PCDH9: variants seen among roughly 807,000 people sequenced by gnomAD.
The protein encoded by PCDH9 is protocadherin-9.
PCDH9 carries 24 observed loss-of-function variants against 70.6 expected under a neutral mutation model. That is an observed-to-expected ratio of 0.34 (90% CI 0.25 to 0.48). PCDH9 has a LOEUF of 0.48. PCDH9 is among the 20% of genes least tolerant of loss of function. PCDH9 has a pLI of 0.99. For synonymous variants in PCDH9, 562 were observed against 558.5 expected (o/e 1.01, Z -0.09); for missense variants, 1,281 against 1,503.6 (o/e 0.85, Z 2.45).
chr13:66,849,517 T>TATATATATATATATATATATAG (rs1272589939), intron 3 of PCDH9, among the ~76,000 whole-genome samples: 1 of 63,580 alleles, frequency 1.6e-5, no homozygotes, highest in Non-Finnish European at 2.6e-5. Context: ...TATATATATA[T>TATATATATATATATATATATAG]AGAGAGAGAG....
chr13:66,888,314 G>A (rs2082041609), intron 3 of PCDH9, among the ~76,000 whole-genome samples: 1 of 151,918 alleles, frequency 6.6e-6, no homozygotes, highest in Non-Finnish European at 1.5e-5. Context: ...GGGAAACATA[G>A]TGAGGCTTCA....
chr13:67,152,963 G>A (rs936988149), intron 2 of PCDH9, among the ~76,000 whole-genome samples: 9 of 151,704 alleles, frequency 5.9e-5, no homozygotes, highest in Non-Finnish European at 1.3e-4. Context: ...TGTATCCCCC[G>A]CCCCAGTGAA....
intron 3 of PCDH9, among the ~76,000 whole-genome samples, chr13:66,893,070 T>C (rs1210565777): frequency 1.3e-5 from 2 of 152,134 alleles, no homozygotes; most frequent in Non-Finnish European, 2.9e-5. Flanking sequence ...TGAGTATCAT[T>C]TATAATCAAA....
At chr13:66,623,864 G>A (rs1457360135) in intron 4 of PCDH9, among the ~76,000 whole-genome samples, 2 of 152,094 alleles carry the variant, frequency 1.3e-5, no homozygotes, top group African/African-American at 2.4e-5. Flanking sequence ...GAATTCCTGG[G>A]TCATAAACAG....
intron 4 of PCDH9, among the ~76,000 whole-genome samples, chr13:66,603,654 T>C (rs1362545577): frequency 6.6e-6 from 1 of 152,014 alleles, no homozygotes; most frequent in East Asian, 1.9e-4. Flanking sequence ...TTGGATGTCA[T>C]GTGGAGATAT....
intron 3 of PCDH9, among the ~76,000 whole-genome samples, chr13:66,876,206 C>T (rs1001346322): frequency 1.3e-5 from 2 of 151,930 alleles, no homozygotes; most frequent in African/African-American, 4.8e-5. Context: ...AGACTTAGTA[C>T]TATAAATTAC....
intron 4 of PCDH9, among the ~76,000 whole-genome samples, chr13:66,401,553 T>C (rs1024512182): frequency 1.3e-5 from 2 of 152,100 alleles, no homozygotes; most frequent in African/African-American, 4.8e-5. Context: ...AATGGACTCA[T>C]ATGGTGGGGG....
intron 4 of PCDH9, among the ~76,000 whole-genome samples, chr13:66,566,815 C>CAAA (rs2076659240): frequency 6.6e-6 from 1 of 151,920 alleles, no homozygotes; most frequent in South Asian, 2.1e-4. Context: ...ATAAAAAAAT[C>CAAA]ATGCTTAAAT....
At position 66,944,765 on chromosome 13, in the gene PCDH9, T is replaced by G. The variant is rs1051432238; in HGVS notation, c.3037-41160A>C. Among the ~76,000 whole-genome samples, 7 of 151,936 alleles carry G rather than the reference T, an allele frequency of 4.6e-5. No individual in the cohort carries two copies. The East Asian group carries it at 1.4e-3, about 29-fold the overall frequency. On this transcript the variant is annotated intron_variant, in intron 2 of 4. Coordinates refer to ENST00000377865, the MANE Select transcript of PCDH9 (RefSeq NM_203487.3). ...GGGCAAATGTAATTTTATCATTCAT[T>G]GTTGGGATACCTATTTCTGGTGCAC...
At chr13:66,398,029 G>T (rs1263766515) in intron 4 of PCDH9, among the ~76,000 whole-genome samples, 3 of 151,736 alleles carry the variant, frequency 2.0e-5, no homozygotes, top group Non-Finnish European at 2.9e-5. Flanking sequence ...AAATGTTCTG[G>T]CTTATACCAT....
chr13:66,642,447 A>C (rs2077721061), intron 3 of PCDH9, among the ~76,000 whole-genome samples: 1 of 152,054 alleles, frequency 6.6e-6, no homozygotes, highest in Non-Finnish European at 1.5e-5. Flanking sequence ...TAAGATGAGA[A>C]AAACACATCC....
chr13:67,188,073 G>C (rs748256705), intron 2 of PCDH9, among the ~76,000 whole-genome samples: 6 of 152,028 alleles, frequency 3.9e-5, no homozygotes, highest in Non-Finnish European at 8.8e-5. Context: ...AAAATTTCAT[G>C]AGAAATATAC....
intron 3 of PCDH9, among the ~76,000 whole-genome samples, chr13:66,854,669 G>A (rs1262924049): frequency 6.6e-6 from 1 of 151,684 alleles, no homozygotes; most frequent in African/African-American, 2.4e-5. Flanking sequence ...TTTGCCATTT[G>A]AAATAGACCC....
At chr13:66,839,231 ATCTC>A (rs1455043678) in intron 3 of PCDH9, among the ~76,000 whole-genome samples, 4 of 152,134 alleles carry the variant, frequency 2.6e-5, no homozygotes, top group Non-Finnish European at 5.9e-5. Context: ...CCAACTAGAC[ATCTC>A]TCTTTCTTGC....
chr13:66,463,455 G>T (rs551323027), intron 4 of PCDH9, among the ~76,000 whole-genome samples: 1 of 151,794 alleles, frequency 6.6e-6, no homozygotes, highest in Non-Finnish European at 1.5e-5. Flanking sequence ...ACAAGACAGA[G>T]CAAGAGAGAG....
chr13:66,914,116 G>T (rs2082517960), intron 2 of PCDH9, among the ~76,000 whole-genome samples: 1 of 151,926 alleles, frequency 6.6e-6, no homozygotes, highest in Admixed American at 6.6e-5. Flanking sequence ...AAAGGCCAGA[G>T]TGTTTTTTTA....
At chr13:66,708,309 A>T (rs1361411746) in intron 3 of PCDH9, among the ~76,000 whole-genome samples, 1 of 152,048 alleles carries the variant, frequency 6.6e-6, no homozygotes, top group South Asian at 2.1e-4. Flanking sequence ...TCGGCCTCCC[A>T]AAGTGCTGGG....
chr13:67,042,143 T>C (rs185098499), intron 2 of PCDH9, among the ~76,000 whole-genome samples: 2 of 152,238 alleles, frequency 1.3e-5, no homozygotes, highest in East Asian at 3.9e-4. Flanking sequence ...GCATGGGGCT[T>C]GTAGCGTGAA....
At chr13:66,392,269 G>A (rs909040249) in intron 4 of PCDH9, among the ~76,000 whole-genome samples, 1 of 152,016 alleles carries the variant, frequency 6.6e-6, no homozygotes, top group African/African-American at 2.4e-5. Flanking sequence ...GTTAAGCCAA[G>A]TGAGACATAT....
Sources: allele counts gnomAD v4.1 joint callset (sites outside exome capture counted in the v4.1 genomes callset), GRCh38; gene constraint gnomAD v4.1.1; transcripts MANE v1.5; gene names NCBI Gene and HGNC (gene_info 2026-07-23, HGNC 2026-07-21).